The following SMLR1 variants were observed in gnomAD, a reference collection of about 807,000 sequenced individuals.
SMLR1 encodes the protein small leucine rich protein 1, also known as small leucine-rich protein 1.
SMLR1 carries 3 observed loss-of-function variants against 6.1 expected under a neutral mutation model. The observed-to-expected ratio is 0.49, with a 90% CI of 0.22 to 1.28. The LOEUF is 1.28. Among genes scored for constraint, SMLR1 ranks in the 50% most tolerant of loss-of-function variants. The pLI is 0.19. For missense variants in SMLR1, 126 were observed against 124.8 expected, an observed-to-expected ratio of 1.01 and a Z score of -0.05; for synonymous variants, 55 against 53.6, an observed-to-expected ratio of 1.03 and a Z score of -0.11.
At chr6:130,831,690 A>G (rs1357690435) in intron 1 of SMLR1, among the ~76,000 whole-genome samples, 1 of 152,212 alleles carries the variant, frequency 6.6e-6, no homozygotes, top group East Asian at 1.9e-4. Context: ...AACCAGGGTT[A>G]TGGCAAATGT....
chr6:130,834,637 G>A (rs1774587230), intron 1 of SMLR1, among the ~76,000 whole-genome samples: 1 of 152,134 alleles, frequency 6.6e-6, no homozygotes, highest in African/African-American at 2.4e-5. Flanking sequence ...TACAGTGGTA[G>A]TTTGTTTGCT....
At chr6:130,834,448 G>A (rs1172794921) in intron 1 of SMLR1, among the ~76,000 whole-genome samples, 1 of 152,100 alleles carries the variant, frequency 6.6e-6, no homozygotes, top group African/African-American at 2.4e-5. Flanking sequence ...CTGAAATAGA[G>A]TCATCAGTAA....
At chr6:130,833,309 A>G (rs1774527289) in intron 1 of SMLR1, among the ~76,000 whole-genome samples, 1 of 152,082 alleles carries the variant, frequency 6.6e-6, no homozygotes, top group South Asian at 2.1e-4. Flanking sequence ...TTAAGAGTTC[A>G]CTTTTTTTCT....
At chr6:130,831,073 G>T in intron 1 of SMLR1, among the ~76,000 whole-genome samples, 1 of 152,204 alleles carries the variant, frequency 6.6e-6, no homozygotes, top group Non-Finnish European at 1.5e-5. Flanking sequence ...CTCTCTCGGG[G>T]TCTGGATCTG....
At chr6:130,834,736 C>A in intron 1 of SMLR1, 134 bp from the exon 2 acceptor site, 1 of 669,454 alleles carries the variant, frequency 1.5e-6, no homozygotes, top group Non-Finnish European at 2.6e-6. Context: ...ATAGGATCTG[C>A]TTGGAAGACC....
At chr6:130,831,430 G>A (rs954025256) in intron 1 of SMLR1, among the ~76,000 whole-genome samples, 1 of 151,966 alleles carries the variant, frequency 6.6e-6, no homozygotes, top group African/African-American at 2.4e-5. Flanking sequence ...GGTTGATCTG[G>A]TCCCTTTAAT....
chr6:130,827,751 CATAT>C (rs113795427), intron 1 of SMLR1, 100 bp downstream of exon 1: 2 of 721,706 alleles, frequency 2.8e-6, no homozygotes, highest in South Asian at 2.0e-5. Flanking sequence ...CCAGGAGAAA[CATAT>C]ATATATATAT....
rs1452689256 is a variant in SMLR1, at chr6:130,827,788, T to G, written c.238+137T>G. ...TATTTTGTAGGTACTTCTCAATCAGTGTTCTCTCAAGTTCCTTGATCAATT... is the reference window on the plus strand; with the variant it reads ...TATTTTGTAGGTACTTCTCAATCAGGGTTCTCTCAAGTTCCTTGATCAATT... On this transcript the variant is annotated intron_variant, in intron 1 of 1. Transcript: ENST00000541421. 7.3e-6 allele frequency: 5 copies of G among 685,382 alleles called. 1 individual carries two copies. In the East Asian group the frequency reaches 1.4e-4, roughly 19 times the overall value. 42.5% of individuals were successfully genotyped at this position (685,382 alleles called of 1,614,324 possible). A position where few individuals can be genotyped will look rare whatever the true frequency, so the allele number is the denominator to read the frequency against.
intron 1 of SMLR1, among the ~76,000 whole-genome samples, chr6:130,829,192 G>T (rs1193395901): frequency 1.3e-5 from 2 of 152,174 alleles, no homozygotes; most frequent in Non-Finnish European, 2.9e-5. Flanking sequence ...GGTCTAGATA[G>T]CCTCATGGAT....
rs1259904672 is a variant in SMLR1, at chr6:130,835,027, C to G, written c.*72C>G. ...CAGCAAGCAATGGCCAACAGTTCAG[C>G]TAATAAAGTAGGTTGATAAACTAGA... On this transcript the variant is annotated 3_prime_UTR_variant, in exon 2 of 2. Coordinates refer to ENST00000541421, the MANE Select transcript of SMLR1 (RefSeq NM_001195597.2). 3 of 1,168,724 alleles carry G rather than the reference C, an allele frequency of 2.6e-6. No homozygotes were observed. The highest frequency in any genetic ancestry group is 3.7e-6 in the Non-Finnish European group (3 of 813,890). 72.4% of individuals were successfully genotyped at this position (1,168,724 alleles called of 1,614,324 possible).
intron 1 of SMLR1, among the ~76,000 whole-genome samples, chr6:130,832,373 C>T (rs1443311704): frequency 6.6e-6 from 1 of 152,140 alleles, no homozygotes; most frequent in Non-Finnish European, 1.5e-5. Context: ...CCTTCAGCAA[C>T]GCACATCCTA....
At chr6:130,831,086 C>T (rs982421298) in intron 1 of SMLR1, among the ~76,000 whole-genome samples, 2 of 152,168 alleles carry the variant, frequency 1.3e-5, no homozygotes, top group African/African-American at 4.8e-5. Context: ...TGGATCTGGA[C>T]CCCTTTCCTG....
chr6:130,835,571 A>T lies in SMLR1; in HGVS notation c.*616A>T, dbSNP rs935188262. Reference sequence around the variant, plus strand: ...TGGAGTATCCCCACACTAGGTATGGATCACCCACAAATGTAGCTTTCAGCA... The same window carrying T: ...TGGAGTATCCCCACACTAGGTATGGTTCACCCACAAATGTAGCTTTCAGCA... On this transcript the variant is annotated 3_prime_UTR_variant, in exon 2 of 2. Transcript: ENST00000541421. 2 of 152,268 alleles carry T rather than the reference A, an allele frequency of 1.3e-5. No homozygotes were observed. The highest frequency in any genetic ancestry group is 2.9e-5 in the Non-Finnish European group (2 of 68,110). The allele number at this position is 152,268 out of a possible 1,614,324, so 9.4% of individuals were successfully genotyped here.
At position 130,835,057 on chromosome 6, in the gene SMLR1, T is replaced by G. The variant is rs1583401685; in HGVS notation, c.*102T>G. 1.1e-6 allele frequency: 1 copy of G among 901,670 alleles called. No individual in the cohort carries two copies. The highest frequency in any genetic ancestry group is 1.7e-6 in the Non-Finnish European group (1 of 580,120). 55.9% of individuals were successfully genotyped at this position (901,670 alleles called of 1,614,324 possible). A position where few individuals can be genotyped will look rare whatever the true frequency, so the allele number is the denominator to read the frequency against. ...AAAGTAGGTTGATAAACTAGAACCA[T>G]AGCAAAATAGAAAGAATACTAAGAT... On this transcript the variant is annotated 3_prime_UTR_variant, in exon 2 of 2. Transcript: ENST00000541421.
In SMLR1 at chr6:130,835,371, T is replaced by C. The variant is rs1774621451; in HGVS notation, c.*416T>C. ...GATCCAATGAATAGCAAAAGATGAA[T>C]GCCTTGGAGAGAGCTCAGTAGATTC... is the stretch of plus-strand genomic sequence containing the variant. On this transcript the variant is annotated 3_prime_UTR_variant, in exon 2 of 2. Coordinates refer to ENST00000541421, the MANE Select transcript of SMLR1 (RefSeq NM_001195597.2). 1 of 161,874 alleles carries C rather than the reference T, an allele frequency of 6.2e-6. No individual in the cohort carries two copies. The highest frequency in any genetic ancestry group is 1.8e-4 in the South Asian group (1 of 5,684). 10.0% of individuals were successfully genotyped at this position (161,874 alleles called of 1,614,324 possible).
intron 1 of SMLR1, among the ~76,000 whole-genome samples, chr6:130,831,374 T>C (rs548732741): frequency 1.0e-3 from 154 of 152,318 alleles, no homozygotes; most frequent in Non-Finnish European, 1.9e-3. Flanking sequence ...GATTATATTT[T>C]CCAGTGTTAG....
In SMLR1 at chr6:130,835,523, GT is replaced by G. The variant is rs754002132; in HGVS notation, c.*569del. 2 of 152,556 alleles carry G rather than the reference GT, an allele frequency of 1.3e-5. No individual in the cohort carries two copies. Among genetic ancestry groups the G allele is most frequent in the Admixed American group, 1.3e-4 (2 of 15,328 alleles). 9.5% of individuals were successfully genotyped at this position (152,556 alleles called of 1,614,324 possible). ...CTGATTGCTTTCACAAATCATTATT[GT>G]CACAAATATGCACAAAACAAGTGGA... On this transcript the variant is annotated 3_prime_UTR_variant, in exon 2 of 2. Coordinates refer to ENST00000541421, the MANE Select transcript of SMLR1 (RefSeq NM_001195597.2).
At chr6:130,831,947 TG>T (rs1466632703) in intron 1 of SMLR1, among the ~76,000 whole-genome samples, 2 of 152,200 alleles carry the variant, frequency 1.3e-5, no homozygotes, top group African/African-American at 4.8e-5. Flanking sequence ...TTAATTAGTA[TG>T]TAGGGAACAT....
chr6:130,828,755 T>A (rs908837623), intron 1 of SMLR1, among the ~76,000 whole-genome samples: 1 of 152,202 alleles, frequency 6.6e-6, no homozygotes, highest in Non-Finnish European at 1.5e-5. Context: ...ACAGCCCTTT[T>A]GCTGAGGGGT....
Sources: allele counts gnomAD v4.1 joint callset (sites outside exome capture counted in the v4.1 genomes callset), GRCh38; gene constraint gnomAD v4.1.1; transcripts MANE v1.5; gene names NCBI Gene and HGNC (gene_info 2026-07-23, HGNC 2026-07-21).